Variants in ASZ1 observed in about 807,000 individuals in gnomAD.
The protein encoded by ASZ1 is ankyrin repeat, SAM and basic leucine zipper domain containing 1.
Under a neutral mutation model 61.8 loss-of-function variants are expected in ASZ1, and 67 were observed. The observed-to-expected ratio is 1.08, with a 90% confidence interval of 0.89 to 1.33. The LOEUF (loss-of-function observed/expected upper bound fraction) is 1.33, where lower values mean the gene tolerates loss of function less well. Ranked by LOEUF, ASZ1 falls within the 40% of genes most tolerant of loss-of-function variation. ASZ1 has a pLI of 0.00. For missense variants in ASZ1, 577 were observed against 554.5 expected, an observed-to-expected ratio of 1.04 and a Z score of -0.41; for synonymous variants, 193 against 192.7, an observed-to-expected ratio of 1.00 and a Z score of -0.01.
chr7:117,390,835 C>T (rs1180282684), intron 4 of ASZ1, among the ~76,000 whole-genome samples: 1 of 152,108 alleles, frequency 6.6e-6, no homozygotes. Context: ...TCCTGAATAG[C>T]TGGGATTACA....
At chr7:117,426,963 C>T in intron 1 of ASZ1, 28 bp from the exon 2 acceptor site, 2 of 1,561,570 alleles carry the variant, frequency 1.3e-6, no homozygotes, top group African/African-American at 1.4e-5. Context: ...TTAAAAAATT[C>T]TTGTTATATA....
At chr7:117,399,251 A>G (rs904081777) in intron 4 of ASZ1, among the ~76,000 whole-genome samples, 1 of 152,168 alleles carries the variant, frequency 6.6e-6, no homozygotes. Flanking sequence ...AGCTGAAACT[A>G]AATGCTAAAA....
At position 117,418,572 on chromosome 7, in the gene ASZ1, G is replaced by A. The variant is rs544437035; in HGVS notation, c.440+1591C>T. On this transcript the variant is annotated intron_variant, in intron 4 of 12. Transcript: ENST00000284629. The stretch of plus-strand genomic sequence containing the variant: ...GGAGGCTAAGGCAAGAGAATCATTT[G>A]AACCCAGGAGGCAGAGGTTGCAGTG... Among the ~76,000 whole-genome samples the A allele has an allele frequency of 9.9e-5, 15 of 151,906 alleles. No homozygotes were observed. In the South Asian group the frequency reaches 2.9e-3, roughly 29 times the overall value.
chr7:117,422,659 A>G (rs1447870400), intron 2 of ASZ1, among the ~76,000 whole-genome samples: 2 of 151,908 alleles, frequency 1.3e-5, no homozygotes, highest in African/African-American at 4.8e-5. Context: ...TTTTTTCTCT[A>G]GGGGAGCTGG....
chr7:117,397,260 G>A (rs1047500455), intron 4 of ASZ1, among the ~76,000 whole-genome samples: 19 of 149,736 alleles, frequency 1.3e-4, no homozygotes, highest in Admixed American at 9.2e-4. Flanking sequence ...CAAACCAAAC[G>A]CAATAAAAAA....
intron 4 of ASZ1, among the ~76,000 whole-genome samples, chr7:117,417,720 T>C (rs1376063509): frequency 3.3e-5 from 5 of 152,252 alleles, no homozygotes; most frequent in Non-Finnish European, 7.3e-5. Flanking sequence ...TATTGCTTTA[T>C]GCTTTGAGCA....
chr7:117,383,013 G>C lies in ASZ1; in HGVS notation c.785C>G (p.Ser262Cys). 1 of 1,584,404 alleles carries C rather than the reference G, an allele frequency of 6.3e-7. No individual in the cohort carries two copies. The highest frequency in any genetic ancestry group is 8.6e-7 in the Non-Finnish European group (1 of 1,167,924). Residue 262 changes from serine (S) to cysteine (C), a missense_variant, in exon 7 of 13, where the codon TCT becomes TGT. Physicochemically the swap from Ser to Cys is moderately radical, Grantham distance 112 (BLOSUM62 -1). Coordinates refer to ENST00000284629, the MANE Select transcript of ASZ1 (RefSeq NM_130768.3). Reference sequence around the variant, plus strand: ...AAAAATGTGATCTTTTTCTCTATCAGAATCTGTTGTCAATATTTTACAAAT... The same window carrying C: ...AAAAATGTGATCTTTTTCTCTATCACAATCTGTTGTCAATATTTTACAAAT... The part of the protein sequence containing the change: ...DTICKILTTD[S>C]DREKDHIFSS...
chr7:117,369,756 T>C (rs1324212435), intron 10 of ASZ1, among the ~76,000 whole-genome samples: 7 of 152,250 alleles, frequency 4.6e-5, no homozygotes, highest in African/African-American at 7.2e-5. Flanking sequence ...AAGCAAGGAA[T>C]TGAATTTGGT....
chr7:117,392,715 A>G (rs1796494683), intron 4 of ASZ1, among the ~76,000 whole-genome samples: 1 of 152,052 alleles, frequency 6.6e-6, no homozygotes, highest in Admixed American at 6.6e-5. Flanking sequence ...ATTTAAAATT[A>G]TTTTTCCTCT....
At chr7:117,420,075 G>T in intron 4 of ASZ1, 88 bp downstream of exon 4, 1 of 907,390 alleles carries the variant, frequency 1.1e-6, no homozygotes, top group Non-Finnish European at 1.7e-6. Flanking sequence ...ATTTGGCCAA[G>T]TAAACATTGT....
intron 12 of ASZ1, among the ~76,000 whole-genome samples, chr7:117,364,385 C>CTG (rs917733140): frequency 4.0e-5 from 6 of 149,384 alleles, no homozygotes; most frequent in South Asian, 2.1e-4. Flanking sequence ...CTGTGTGTAT[C>CTG]TGTGTGTGTG....
Position 117,427,444 on chromosome 7 carries a change from A to C in ASZ1, c.17T>G (p.Leu6Arg), listed in dbSNP as rs760027194. The C allele has an allele frequency of 6.2e-7, 1 of 1,613,704 alleles. No homozygotes were observed. The highest frequency in any genetic ancestry group is 1.3e-5 in the African/African-American group (1 of 74,936). MAASALRGLPVAGGGE... is the reference protein window; with the variant it reads MAASARRGLPVAGGGE... ...TCCGCCAGCCACTGGCAGGCCTCGCAGCGCGCTCGCCGCCATGCCAGCCAA... is the reference window on the plus strand; with the variant it reads ...TCCGCCAGCCACTGGCAGGCCTCGCCGCGCGCTCGCCGCCATGCCAGCCAA... The change falls in exon 1 of 13, where the codon CTG becomes CGG. Residue 6 changes from leucine to arginine, a missense_variant. By Grantham distance (102) the Leu-to-Arg change is moderately radical. Transcript: ENST00000284629.
intron 4 of ASZ1, 54 bp from the exon 5 acceptor site, chr7:117,385,863 A>AT: frequency 7.3e-7 from 1 of 1,361,348 alleles, no homozygotes; most frequent in South Asian, 1.2e-5. Context: ...TTAATCTCTC[A>AT]TTTTCATTAA....
chr7:117,376,901 C>T (rs1796147658), intron 10 of ASZ1, among the ~76,000 whole-genome samples: 1 of 152,018 alleles, frequency 6.6e-6, no homozygotes, highest in African/African-American at 2.4e-5. Context: ...CTATCTACCA[C>T]TCTTATCCAA....
rs1562864551 is a variant in ASZ1 at position 117,427,398 on chromosome 7, C to G, written c.63G>C (p.Glu21Asp). 4 of 1,614,104 alleles carry G rather than the reference C, an allele frequency of 2.5e-6. No individual in the cohort carries two copies. Among genetic ancestry groups the G allele is most frequent in the South Asian group, 1.1e-5 (1 of 91,096 alleles). Reference protein sequence around the residue: ...VAGGGESSESEDDGWEIGYLD... With the variant: ...VAGGGESSESDDDGWEIGYLD... ...GATACCCAATCTCCCAGCCATCATC[C>G]TCGCTCTCGCTACTCTCGCCTCCGC... Residue 21 changes from glutamate (E) to aspartate (D), a missense_variant, in exon 1 of 13, where the codon GAG becomes GAC. Coordinates refer to ENST00000284629, the MANE Select transcript of ASZ1 (RefSeq NM_130768.3).
In ASZ1 at chr7:117,422,688, A is replaced by G. The variant is rs149540701; in HGVS notation, c.206-329T>C. The stretch of plus-strand genomic sequence containing the variant: ...GAGCTGGAAAGGTTTCACAGAGGTA[A>G]AATGTCTTTTAAATTAGAATATTAT... On this transcript the variant is annotated intron_variant, in intron 2 of 12. Transcript: ENST00000284629. 5.7e-3 allele frequency among the ~76,000 whole-genome samples: 871 copies of G among 152,262 alleles called. 2 individuals are homozygous for G. The highest frequency in any genetic ancestry group is 9.2e-3 in the Non-Finnish European group (625 of 68,020).
At chr7:117,368,107 T>G (rs915579359) in intron 11 of ASZ1, 2 of 457,782 alleles carry the variant, frequency 4.4e-6, no homozygotes, top group African/African-American at 4.3e-5. Context: ...AAAAATTCTT[T>G]GTAGAGACAG....
At chr7:117,369,275 G>T (rs1264823524) in intron 10 of ASZ1, among the ~76,000 whole-genome samples, 1 of 152,124 alleles carries the variant, frequency 6.6e-6, no homozygotes, top group African/African-American at 2.4e-5. Context: ...AATAGCAGGT[G>T]CAAGAGTACA....
At chr7:117,396,642 A>G (rs1237206017) in intron 4 of ASZ1, among the ~76,000 whole-genome samples, 1 of 152,180 alleles carries the variant, frequency 6.6e-6, no homozygotes, top group Non-Finnish European at 1.5e-5. Flanking sequence ...TTATTCATTT[A>G]CTTTGCTGAT....
Sources: gnomAD v4.1 joint callset for allele counts (sites outside exome capture counted in the v4.1 genomes callset) on GRCh38, gnomAD v4.1.1 for gene constraint, MANE v1.5 for transcripts, NCBI Gene and HGNC (gene_info 2026-07-23, HGNC 2026-07-21) for gene names.